Variants in NCOR2 observed in about 807,000 individuals in gnomAD.
NCOR2 encodes the protein nuclear receptor corepressor 2, also known as CTG repeat protein 26.
NCOR2 carries 81 observed loss-of-function variants against 262.9 expected under a neutral mutation model. The ratio of observed to expected loss-of-function variants is 0.31; its 90% CI spans 0.26 to 0.37. The LOEUF is 0.37. Among genes scored for constraint, NCOR2 ranks in the 10% least tolerant of loss-of-function variants. NCOR2 has a pLI of 1.00. For synonymous variants in NCOR2, 1,659 were observed against 1,559.3 expected, an observed-to-expected ratio of 1.06 and a Z score of -1.51; for missense variants, 3,385 against 3,621.4, an observed-to-expected ratio of 0.93 and a Z score of 1.68.
intron 5 of NCOR2, among the ~76,000 whole-genome samples, chr12:124,460,876 C>T (rs1236946138): frequency 1.3e-5 from 2 of 152,184 alleles, no homozygotes; most frequent in Non-Finnish European, 2.9e-5. Flanking sequence ...CACCTCCCGA[C>T]ACTGTCTCCC....
At chr12:124,535,868 C>A (rs1396784464), upstream of NCOR2, among the ~76,000 whole-genome samples, 4 of 147,840 alleles carry the variant, frequency 2.7e-5, no homozygotes, top group Non-Finnish European at 6.0e-5. Context: ...GTGATTCAAT[C>A]CCAGATGTGT....
intron 1 of NCOR2, among the ~76,000 whole-genome samples, chr12:124,561,675 G>T (rs1485196253): frequency 1.3e-5 from 2 of 152,136 alleles, no homozygotes; most frequent in Non-Finnish European, 2.9e-5. Flanking sequence ...ACTGAAAGGG[G>T]AAGACCCTCC....
intron 10 of NCOR2, among the ~76,000 whole-genome samples, chr12:124,427,555 C>T (rs2043624671): frequency 6.6e-6 from 1 of 152,210 alleles, no homozygotes; most frequent in Non-Finnish European, 1.5e-5. Context: ...AGCTGCCCGG[C>T]CGCCCACATC....
rs1285443034 is a variant in NCOR2 at position 124,482,990 on chromosome 12, T to C, written c.411+606A>G. On this transcript the variant is annotated intron_variant, in intron 3 of 46. Coordinates refer to ENST00000405201, the Ensembl canonical transcript of NCOR2. The surrounding 1 kb of genome is among the most constrained non-coding windows in gnomAD (Gnocchi z 6.3). Reference sequence around the variant, plus strand: ...GAGCCAACTCTGTCTCATCTCACTTTGCGGGACTCTGGAGTCTCCCCTCCC... The same window carrying C: ...GAGCCAACTCTGTCTCATCTCACTTCGCGGGACTCTGGAGTCTCCCCTCCC... 1.3e-5 allele frequency among the ~76,000 whole-genome samples: 2 copies of C among 152,124 alleles called. No homozygotes were observed. Among genetic ancestry groups the C allele is most frequent in the Admixed American group, 1.3e-4 (2 of 15,280 alleles).
At position 124,549,275 on chromosome 12, in the gene NCOR2, G is replaced by A. The variant is rs749669731; in HGVS notation, c.-164-13664C>T. Among the ~76,000 whole-genome samples, 12 of 152,038 alleles carry A rather than the reference G, an allele frequency of 7.9e-5. No individual in the cohort carries two copies. The highest frequency in any genetic ancestry group is 1.0e-4 in the Non-Finnish European group (7 of 67,992). The stretch of plus-strand genomic sequence containing the variant: ...GCAGGCACGCAGCTGAGGGGCTGGC[G>A]GTGGGAGGGGCAGGGCCGCGGCTGG... On this transcript the variant is annotated intron_variant, in intron 1 of 32. Coordinates refer to the NCOR2 transcript ENST00000458234. The surrounding 1 kb of genome is among the most constrained non-coding windows in gnomAD (Gnocchi z 4.4).
At chr12:124,354,772 G>C in intron 25 of NCOR2, 65 bp downstream of exon 27, 2 of 1,475,700 alleles carry the variant, frequency 1.4e-6, no homozygotes, top group Non-Finnish European at 9.3e-7. Context: ...TTCCTCCCCC[G>C]CCCCACCCAC....
intron 20 of NCOR2, among the ~76,000 whole-genome samples, chr12:124,367,427 G>A (rs1034424125): frequency 2.0e-5 from 3 of 152,172 alleles, no homozygotes; most frequent in African/African-American, 7.2e-5. Flanking sequence ...CAAGGGCTGG[G>A]TTCAAGTTCT....
At position 124,457,528 on chromosome 12, in the gene NCOR2, C is replaced by A. The variant is rs1022382875; in HGVS notation, c.706-366G>T. 1.3e-5 allele frequency among the ~76,000 whole-genome samples: 2 copies of A among 152,148 alleles called. No homozygotes were observed. Among genetic ancestry groups the A allele is most frequent in the African/African-American group, 4.8e-5 (2 of 41,426 alleles). ...CTGCCAGCCCTGAGATGCCTTCCCT[C>A]ACCCTGGAAGCTGGTTGGGTTGTCT... On this transcript the variant is annotated intron_variant, in intron 5 of 46. Transcript: ENST00000405201. The surrounding 1 kb of genome is among the most constrained non-coding windows in gnomAD (Gnocchi z 4.0).
intron 11 of NCOR2, among the ~76,000 whole-genome samples, chr12:124,425,959 T>C (rs2136322267): frequency 6.6e-6 from 1 of 152,166 alleles, no homozygotes; most frequent in East Asian, 1.9e-4. Flanking sequence ...AGTGATGGGA[T>C]CACGAACCCA....
intron 1 of NCOR2, among the ~76,000 whole-genome samples, chr12:124,541,618 A>AGC: frequency 2.4e-4 from 1 of 4,248 alleles, no homozygotes; most frequent in Non-Finnish European, 4.1e-4. Context: ...GGGAGTGGAG[A>AGC]TGGTGGGGGG....
intron 14 of NCOR2, among the ~76,000 whole-genome samples, chr12:124,401,616 C>A (rs541712275): frequency 6.6e-6 from 1 of 152,212 alleles, no homozygotes; most frequent in South Asian, 2.1e-4. Context: ...GCAGGCCTAG[C>A]CTGCAGGCCT....
upstream of NCOR2, among the ~76,000 whole-genome samples, chr12:124,500,009 C>T (rs1449845424): frequency 2.0e-5 from 3 of 152,136 alleles, no homozygotes; most frequent in Non-Finnish European, 4.4e-5. Context: ...TCCCGCTGCA[C>T]AGGCCCGCTG....
intron 37 of NCOR2, 101 bp downstream of exon 39, chr12:124,339,905 A>ACCCCCCCCCTC: frequency 6.1e-6 from 1 of 163,606 alleles, no homozygotes; most frequent in Non-Finnish European, 1.1e-5. Context: ...CCACCCACCC[A>ACCCCCCCCCTC]CCTCCCATAT....
chr12:124,474,444 G>A (rs112589925), intron 3 of NCOR2, among the ~76,000 whole-genome samples: 1 of 152,050 alleles, frequency 6.6e-6, no homozygotes, highest in African/African-American at 2.4e-5. Flanking sequence ...TAACAACAAA[G>A]GAAGCCTGCA....
rs1013894011 is a variant in NCOR2, at chr12:124,327,173, C to T, written c.7183+236G>A. 3.9e-5 allele frequency among the ~76,000 whole-genome samples: 6 copies of T among 152,054 alleles called. 1 individual carries two copies. The highest frequency in any genetic ancestry group is 6.8e-3 in the Middle Eastern group (2 of 294). On this transcript the variant is annotated intron_variant, in intron 45 of 46. Transcript: ENST00000405201. ...TGTGAGTGTCCGAGGGAGGCGGCAG[C>T]GCTTCGGGCCTAGTGGGCAGGAGGG...
At chr12:124,393,624 T>C (rs1207446991) in intron 16 of NCOR2, among the ~76,000 whole-genome samples, 1 of 152,252 alleles carries the variant, frequency 6.6e-6, no homozygotes, top group Non-Finnish European at 1.5e-5. Context: ...GGTTGGCCCA[T>C]GGACTAACCT....
intron 2 of NCOR2, among the ~76,000 whole-genome samples, chr12:124,485,390 G>A (rs954190497): frequency 4.6e-5 from 7 of 152,234 alleles, no homozygotes; most frequent in Admixed American, 2.0e-4. Context: ...GGCAGAGGCA[G>A]AGATTGGACC....
At position 124,454,948 on chromosome 12, in the gene NCOR2, A is replaced by G. The variant is rs1177641413; in HGVS notation, c.762+2158T>C. On this transcript the variant is annotated intron_variant, in intron 6 of 46. Coordinates refer to ENST00000405201, the Ensembl canonical transcript of NCOR2. The surrounding 1 kb of genome is among the most constrained non-coding windows in gnomAD (Gnocchi z 5.6). Reference sequence around the variant, plus strand: ...GGTAAACAACACGTGACCTACCCCTACAGTGAAATATGATTCAGCCACAAA... The same window carrying G: ...GGTAAACAACACGTGACCTACCCCTGCAGTGAAATATGATTCAGCCACAAA... Among the ~76,000 whole-genome samples, 1 of 152,218 alleles carries G rather than the reference A, an allele frequency of 6.6e-6. No individual in the cohort carries two copies. Among genetic ancestry groups the G allele is most frequent in the Non-Finnish European group, 1.5e-5 (1 of 68,040 alleles).
rs527941204 is a variant in NCOR2 at position 124,517,468 on chromosome 12, G to A, written c.-118+18097C>T. The stretch of plus-strand genomic sequence containing the variant: ...CCCTGGGCAAGCCTGGGCCGGTGGC[G>A]CTGATTTCAAACCAGACATGGGCAC... On this transcript the variant is annotated intron_variant, in intron 1 of 46. Transcript: ENST00000404621. The surrounding 1 kb of genome is among the most constrained non-coding windows in gnomAD (Gnocchi z 7.6). 9.9e-5 allele frequency among the ~76,000 whole-genome samples: 15 copies of A among 152,262 alleles called. No individual in the cohort carries two copies. The highest frequency in any genetic ancestry group is 3.4e-4 in the African/African-American group (14 of 41,550).
Sources: gnomAD v4.1 joint callset for allele counts (sites outside exome capture counted in the v4.1 genomes callset) on GRCh38, gnomAD v4.1.1 for gene constraint, Gnocchi (gnomAD v3.1) non-coding constraint, MANE v1.5 for transcripts, NCBI Gene and HGNC (gene_info 2026-07-23, HGNC 2026-07-21) for gene names.